Variants in TTLL2 observed in about 807,000 individuals in gnomAD.
TTLL2 encodes tubulin tyrosine ligase like 2, also known as probable tubulin polyglutamylase TTLL2.
TTLL2 carries 10 observed loss-of-function variants against 7.5 expected under a neutral mutation model. The observed-to-expected ratio is 1.33, with a 90% CI of 0.82 to 2.25. The LOEUF (loss-of-function observed/expected upper bound fraction) is 2.25. Among genes scored for constraint, TTLL2 ranks in the 30% most tolerant of loss-of-function variants. The pLI is 0.00. For synonymous variants in TTLL2, 284 were observed against 280.3 expected, an observed-to-expected ratio of 1.01 and a Z score of -0.13; for missense variants, 733 against 735.7, an observed-to-expected ratio of 1.00 and a Z score of 0.04.
chr6:167,336,262 C>G (rs1196284225), intron 1 of TTLL2, among the ~76,000 whole-genome samples: 3 of 151,972 alleles, frequency 2.0e-5, no homozygotes, highest in African/African-American at 7.3e-5. Flanking sequence ...CCATTCCCAC[C>G]AACAGTGTAT....
In TTLL2 at chr6:167,340,124, C is replaced by T. The variant is rs367719482; in HGVS notation, c.224C>T (p.Ala75Val). ...TTTTAGAAAAAACCTCATTTGATGG[C>T]GGAAGATGAACCTTCAGGGGCCCTC... ...LEKKKKPHLM[A>V]EDEPSGALLK... is the part of the protein sequence containing the mutation. The change falls in exon 3 of 3, where the codon GCG (alanine) becomes GTG (valine). Residue 75 changes from alanine (A) to valine (V), a missense_variant. By Grantham distance (64) the Ala-to-Val change is moderately conservative (BLOSUM62 0). Coordinates refer to ENST00000239587, the MANE Select transcript of TTLL2 (RefSeq NM_031949.5). The T allele has an allele frequency of 7.9e-5, 125 of 1,580,718 alleles. No homozygotes were observed. In the Admixed American group the frequency reaches 8.2e-4, roughly 10 times the overall value.
chr6:167,340,145 C>T lies in TTLL2; in HGVS notation c.245C>T (p.Ala82Val), dbSNP rs1389135081. ...ATGGCGGAAGATGAACCTTCAGGGGCCCTCTTGAAGCCGCTGGTTTTTCGC... is the reference window on the plus strand; with the variant it reads ...ATGGCGGAAGATGAACCTTCAGGGGTCCTCTTGAAGCCGCTGGTTTTTCGC... ...HLMAEDEPSGALLKPLVFRVD... is the reference protein window; with the variant it reads ...HLMAEDEPSGVLLKPLVFRVD... The change falls in exon 3 of 3, where the codon GCC becomes GTC. Residue 82 changes from alanine (A) to valine (V), a missense_variant. Ala to Val is a moderately conservative substitution (Grantham distance 64). Coordinates refer to ENST00000239587, the MANE Select transcript of TTLL2 (RefSeq NM_031949.5). 1 of 1,600,290 alleles carries T rather than the reference C, an allele frequency of 6.2e-7. No homozygotes were observed. Among genetic ancestry groups the T allele is most frequent in the African/African-American group, 1.3e-5 (1 of 74,580 alleles).
chr6:167,331,239 T>C (rs1778917247), intron 1 of TTLL2, among the ~76,000 whole-genome samples: 2 of 152,218 alleles, frequency 1.3e-5, no homozygotes, highest in African/African-American at 4.8e-5. Flanking sequence ...CAAATATTTA[T>C]CATTTCCTGT....
In TTLL2 at chr6:167,338,771, C is replaced by A; in HGVS notation, c.172C>A (p.Arg58=). Residue 58 remains arginine (R), a synonymous_variant, in exon 2 of 3, where the codon CGA becomes AGA. Coordinates refer to ENST00000239587, the MANE Select transcript of TTLL2 (RefSeq NM_031949.5). Reference sequence around the variant, plus strand: ...AGCAGGTGTTTCCATCCCTCCCAGGCGAGGCCGCCCAACACCAACACTGGA... The same window carrying A: ...AGCAGGTGTTTCCATCCCTCCCAGGAGAGGCCGCCCAACACCAACACTGGA... ...QEAGVSIPPR[R]GRPTPTLEKK... is the part of the protein sequence containing the mutation. The A allele has an allele frequency of 6.2e-7, 1 of 1,613,210 alleles. No homozygotes were observed. The highest frequency in any genetic ancestry group is 8.5e-7 in the Non-Finnish European group (1 of 1,179,464).
At chr6:167,325,559 A>G (rs146121376) in intron 1 of TTLL2, among the ~76,000 whole-genome samples, 3 of 152,290 alleles carry the variant, frequency 2.0e-5, no homozygotes, top group Non-Finnish European at 4.4e-5. Flanking sequence ...ACTGCATCCC[A>G]TAGTGGGTAC....
chr6:167,328,859 A>G (rs4709170), intron 1 of TTLL2, among the ~76,000 whole-genome samples: 109,270 of 151,890 alleles, frequency 0.72, 40,080 homozygotes, highest in African/African-American at 0.86. Flanking sequence ...GTGAGATTCC[A>G]GGCAGGGCTT....
chr6:167,331,568 T>C (rs1279153453), intron 1 of TTLL2, among the ~76,000 whole-genome samples: 1 of 152,232 alleles, frequency 6.6e-6, no homozygotes, highest in Non-Finnish European at 1.5e-5. Flanking sequence ...GTTCCATCCA[T>C]GATGGCATGA....
chr6:167,331,372 A>T (rs921793022), intron 1 of TTLL2, among the ~76,000 whole-genome samples: 4 of 152,094 alleles, frequency 2.6e-5, no homozygotes, highest in Admixed American at 6.5e-5. Flanking sequence ...TGTGGATGTG[A>T]CTTTGTGTGC....
chr6:167,336,188 G>A (rs1424693428), intron 1 of TTLL2, among the ~76,000 whole-genome samples: 1 of 151,838 alleles, frequency 6.6e-6, no homozygotes, highest in African/African-American at 2.4e-5. Context: ...GAGGATCATG[G>A]GGGTTCTGCT....
rs139773715 is a variant in TTLL2 at position 167,341,523 on chromosome 6, C to A, written c.1623C>A (p.Val541=). The A allele has an allele frequency of 9.9e-6, 16 of 1,614,172 alleles. No individual in the cohort carries two copies. In the African/African-American group the frequency reaches 1.7e-4, roughly 17 times the overall value. Residue 541 remains valine, a synonymous_variant, in exon 3 of 3, where the codon GTC becomes GTA. Transcript: ENST00000239587. ...HSCKTKTSPC[V]LSDRGKAPDP... ...GCAAGACCAAGACCTCCCCGTGTGT[C>A]CTGTCAGACCGTGGCAAAGCTCCAG...
chr6:167,336,272 T>TACA (rs1778982688), intron 1 of TTLL2, among the ~76,000 whole-genome samples: 1 of 152,014 alleles, frequency 6.6e-6, no homozygotes. Flanking sequence ...CAACAGTGTA[T>TACA]GAGAGTCCTT....
At position 167,342,587 on chromosome 6, in the gene TTLL2, T is replaced by C. The variant is rs981420532; in HGVS notation, c.*908T>C. On this transcript the variant is annotated 3_prime_UTR_variant, in exon 3 of 3. Transcript: ENST00000239587. ...GGGTGACAGAAATGTTCTGGAACTA[T>C]ATAGAGGTGATGGTTGCACAACACG... Among the ~76,000 whole-genome samples the C allele has an allele frequency of 2.0e-5, 3 of 152,142 alleles. No homozygotes were observed. The highest frequency in any genetic ancestry group is 1.3e-4 in the Admixed American group (2 of 15,276).
In TTLL2 at chr6:167,341,257, C is replaced by T; in HGVS notation, c.1357C>T (p.Leu453Phe). The T allele has an allele frequency of 6.2e-7, 1 of 1,613,624 alleles. No homozygotes were observed. The highest frequency in any genetic ancestry group is 8.5e-7 in the Non-Finnish European group (1 of 1,179,992). ...DRGGLDAPDC[L>F]PYDSLSFTSR... ...AGGTGGGCTTGATGCTCCTGACTGT[C>T]TTCCTTATGATTCTCTTTCGTTCAC... The change falls in exon 3 of 3, where the codon CTT becomes TTT. Residue 453 changes from leucine to phenylalanine, a missense_variant. Leu to Phe is a conservative substitution (Grantham distance 22, BLOSUM62 0). Transcript: ENST00000239587.
chr6:167,329,219 C>T (rs1236184193), intron 1 of TTLL2, among the ~76,000 whole-genome samples: 2 of 152,088 alleles, frequency 1.3e-5, no homozygotes, highest in African/African-American at 4.8e-5. Context: ...GAGATCATGA[C>T]GTTGCTGATA....
chr6:167,335,739 C>G lies in TTLL2; in HGVS notation c.48-2908C>G, dbSNP rs530551189. Among the ~76,000 whole-genome samples, 752 of 149,884 alleles carry G rather than the reference C, an allele frequency of 5.0e-3. 3 individuals are homozygous for G. Among genetic ancestry groups the G allele is most frequent in the Non-Finnish European group, 6.7e-3 (452 of 67,820 alleles). On this transcript the variant is annotated intron_variant, in intron 1 of 2. Transcript: ENST00000239587. ...CGCAAGAACAAAAAACCAAACACCACATATTCTCACTCATAGGTGGGAATT... is the reference window on the plus strand; with the variant it reads ...CGCAAGAACAAAAAACCAAACACCAGATATTCTCACTCATAGGTGGGAATT...
Position 167,338,676 on chromosome 6 carries a change from C to T in TTLL2, c.77C>T (p.Thr26Ile). The T allele has an allele frequency of 1.2e-6, 2 of 1,614,068 alleles. No individual in the cohort carries two copies. The highest frequency in any genetic ancestry group is 1.7e-6 in the Non-Finnish European group (2 of 1,179,958). Residue 26 changes from threonine to isoleucine, a missense_variant, in exon 2 of 3, where the codon ACC becomes ATC. By Grantham distance (89) the Thr-to-Ile change is moderately conservative (BLOSUM62 -1). Coordinates refer to ENST00000239587, the MANE Select transcript of TTLL2 (RefSeq NM_031949.5). Reference sequence around the variant, plus strand: ...TTGAGAACCACCACCCCAGCCTTTACCCTTAACATTCCATCCGAGGCAAAC... The same window carrying T: ...TTGAGAACCACCACCCCAGCCTTTATCCTTAACATTCCATCCGAGGCAAAC... The part of the protein sequence containing the change: ...GSLRTTTPAF[T>I]LNIPSEANHT...
chr6:167,341,135 T>C lies in TTLL2; in HGVS notation c.1235T>C (p.Ile412Thr). 6.2e-7 allele frequency: 1 copy of C among 1,613,940 alleles called. No homozygotes were observed. Among genetic ancestry groups the C allele is most frequent in the Non-Finnish European group, 8.5e-7 (1 of 1,180,010 alleles). The change falls in exon 3 of 3, where the codon ATT becomes ACT. Residue 412 changes from isoleucine (I) to threonine (T), a missense_variant. By Grantham distance (89) the Ile-to-Thr change is moderately conservative. Transcript: ENST00000239587. ...LVKRKLVHDIIDLIYLNGLRN... is the reference protein window; with the variant it reads ...LVKRKLVHDITDLIYLNGLRN... The stretch of plus-strand genomic sequence containing the variant: ...AAGAGAAAACTTGTCCATGATATTA[T>C]TGACCTGATTTACTTAAATGGTCTA...
At chr6:167,333,565 G>C in intron 1 of TTLL2, among the ~76,000 whole-genome samples, 1 of 94,596 alleles carries the variant, frequency 1.1e-5, no homozygotes, top group Admixed American at 1.2e-4. Flanking sequence ...GTGAATCCAT[G>C]TGGTCCTGGA....
chr6:167,339,420 C>T (rs1026878272), intron 2 of TTLL2, among the ~76,000 whole-genome samples: 10 of 152,122 alleles, frequency 6.6e-5, no homozygotes, highest in African/African-American at 2.4e-4. Flanking sequence ...TTCAAATCTG[C>T]CTTTTATCTT....
Sources: allele counts gnomAD v4.1 joint callset (sites outside exome capture counted in the v4.1 genomes callset), GRCh38; gene constraint gnomAD v4.1.1; transcripts MANE v1.5; gene names NCBI Gene and HGNC (gene_info 2026-07-23, HGNC 2026-07-21).